Variants in RASA1 observed in about 807,000 individuals in gnomAD.
RASA1 encodes ras GTPase-activating protein 1.
In RASA1, 25 loss-of-function variants were observed where a neutral mutation model predicts 132.2. That is an observed-to-expected ratio of 0.19 (90% CI 0.14 to 0.26). RASA1 has a LOEUF of 0.26. Ranked by LOEUF, RASA1 falls within the 10% of genes least tolerant of loss-of-function variation. The probability of loss-of-function intolerance (pLI) is 1.00; values close to 1 mark genes in which losing one functional copy is unlikely to be tolerated. For synonymous variants in RASA1, 477 were observed against 449.9 expected, an observed-to-expected ratio of 1.06 and a Z score of -0.76; for missense variants, 964 against 1,299.2, an observed-to-expected ratio of 0.74 and a Z score of 3.97.
At chr5:87,332,317 A>G (rs1219646748) in intron 2 of RASA1, among the ~76,000 whole-genome samples, 190 bp from the exon 3 acceptor site, 1 of 152,108 alleles carries the variant, frequency 6.6e-6, no homozygotes, top group East Asian at 1.9e-4. Context: ...ATGCATGTAT[A>G]TATATGTAAG....
intron 1 of RASA1, among the ~76,000 whole-genome samples, chr5:87,295,053 G>A (rs1413862158): frequency 6.6e-6 from 1 of 151,906 alleles, no homozygotes; most frequent in African/African-American, 2.4e-5. Flanking sequence ...GGATCATTGG[G>A]TCTTCTTGAG....
At position 87,346,375 on chromosome 5, in the gene RASA1, G is replaced by GA. The variant is rs1286113562; in HGVS notation, c.1050-289dup. Reference sequence around the variant, plus strand: ...CCTCCTTCCCCTTACCCCACAAAAAGAAAAAAAAGACCTATAACAGTCTGT... The same window carrying GA: ...CCTCCTTCCCCTTACCCCACAAAAAGAAAAAAAAAGACCTATAACAGTCTGT... On this transcript the variant is annotated intron_variant, in intron 6 of 24. Coordinates refer to ENST00000274376, the MANE Select transcript of RASA1 (RefSeq NM_002890.3). Among the ~76,000 whole-genome samples the GA allele has an allele frequency of 6.6e-5, 10 of 150,886 alleles. No homozygotes were observed. In the Middle Eastern group the frequency reaches 0.01, roughly 155 times the overall value.
chr5:87,268,876 A>G lies in RASA1; in HGVS notation c.425A>G (p.Tyr142Cys). 1 of 1,612,662 alleles carries G rather than the reference A, an allele frequency of 6.2e-7. No individual in the cohort carries two copies. The highest frequency in any genetic ancestry group is 8.5e-7 in the Non-Finnish European group (1 of 1,179,688). Reference protein sequence around the residue: ...GGFPPLPPPPYLPPLGAGLGT... With the variant: ...GGFPPLPPPPCLPPLGAGLGT... ...TTTCCCCCTCTGCCCCCTCCCCCTTACCTGCCCCCTTTGGGGGCGGGCCTC... is the reference window on the plus strand; with the variant it reads ...TTTCCCCCTCTGCCCCCTCCCCCTTGCCTGCCCCCTTTGGGGGCGGGCCTC... The change falls in exon 1 of 25, where the codon TAC becomes TGC. Residue 142 changes from tyrosine (Y) to cysteine (C), a missense_variant. Tyr to Cys is a radical substitution (Grantham distance 194). Coordinates refer to ENST00000274376, the MANE Select transcript of RASA1 (RefSeq NM_002890.3).
chr5:87,294,876 G>A (rs958695218), intron 1 of RASA1, among the ~76,000 whole-genome samples: 1 of 152,228 alleles, frequency 6.6e-6, no homozygotes, highest in African/African-American at 2.4e-5. Flanking sequence ...AATTGAAAGT[G>A]CTGCTGAGTT....
Position 87,376,465 on chromosome 5 carries a change from A to T in RASA1, c.2084A>T (p.His695Leu), listed in dbSNP as rs1035107314. 3.8e-5 allele frequency: 62 copies of T among 1,614,048 alleles called. No individual in the cohort carries two copies. The highest frequency in any genetic ancestry group is 5.1e-5 in the Non-Finnish European group (60 of 1,179,962). ...GATGAATGGTTTCTGCTCAGCTCCC[A>T]TATACCATTAAAAGGTATTGAACCA... ...ATDEWFLLSS[H>L]IPLKGIEPGS... Residue 695 changes from histidine to leucine, a missense_variant, in exon 16 of 25, where the codon CAT becomes CTT. Physicochemically the swap from His to Leu is moderately conservative, Grantham distance 99. Transcript: ENST00000274376.
At chr5:87,291,284 C>T (rs975266600) in intron 1 of RASA1, among the ~76,000 whole-genome samples, 1 of 152,162 alleles carries the variant, frequency 6.6e-6, no homozygotes, top group Non-Finnish European at 1.5e-5. Flanking sequence ...AATCCCAGCA[C>T]TTTGGGAGGC....
intron 1 of RASA1, among the ~76,000 whole-genome samples, chr5:87,300,645 G>C (rs748926583): frequency 6.6e-6 from 1 of 152,100 alleles, no homozygotes; most frequent in African/African-American, 2.4e-5. Flanking sequence ...TATTTATAAG[G>C]TAATATCTAC....
rs1400379848 is a variant in RASA1, at chr5:87,389,509, T to C, written c.3042T>C (p.Asn1014=). 5.6e-6 allele frequency: 9 copies of C among 1,613,984 alleles called. No individual in the cohort carries two copies. The East Asian group carries it at 1.6e-4, about 28-fold the overall frequency. The change falls in exon 24 of 25, where the codon AAT becomes AAC. Residue 1014 remains asparagine, a synonymous_variant. Transcript: ENST00000274376. Reference sequence around the variant, plus strand: ...CAGATGAACTTCGAACGCTCAGTAATGAGCGTGGTGCACAGCAGGTAGGCT... The same window carrying C: ...CAGATGAACTTCGAACGCTCAGTAACGAGCGTGGTGCACAGCAGGTAGGCT... The part of the protein sequence containing the change: ...AHSDELRTLS[N]ERGAQQHVLK...
At position 87,268,435 on chromosome 5, in the gene RASA1, G is replaced by C. The variant is rs1753661081; in HGVS notation, c.-17G>C. On this transcript the variant is annotated 5_prime_UTR_variant, in exon 1 of 25. Transcript: ENST00000274376. ...TCCCGGGCGGGCAGGGTAGGGCAGAGTAGAGCGGGCTTCAACATGATGGCG... is the reference window on the plus strand; with the variant it reads ...TCCCGGGCGGGCAGGGTAGGGCAGACTAGAGCGGGCTTCAACATGATGGCG... 1.3e-6 allele frequency: 2 copies of C among 1,537,604 alleles called. No homozygotes were observed. The highest frequency in any genetic ancestry group is 2.7e-5 in the African/African-American group (2 of 72,822).
At chr5:87,340,530 C>T (rs573143509) in intron 5 of RASA1, among the ~76,000 whole-genome samples, 1 of 151,952 alleles carries the variant, frequency 6.6e-6, no homozygotes, top group South Asian at 2.1e-4. Flanking sequence ...AGTAAATCCA[C>T]ATGTAGTTAG....
intron 19 of RASA1, 47 bp from the exon 20 acceptor site, chr5:87,380,462 T>G: frequency 6.7e-7 from 1 of 1,486,442 alleles, no homozygotes; most frequent in Non-Finnish European, 9.4e-7. Context: ...AGGAGATCAG[T>G]GTTTTCACTT....
chr5:87,310,056 G>A lies in RASA1; in HGVS notation c.540-21292G>A, dbSNP rs372482579. 3.3e-5 allele frequency among the ~76,000 whole-genome samples: 5 copies of A among 152,172 alleles called. No homozygotes were observed. In the South Asian group the frequency reaches 1.0e-3, roughly 32 times the overall value. ...AAAGAAGAAAGAGAGGTAATATAAT[G>A]TTTTGACTACAGGAAAGACTTCTGT... is the stretch of plus-strand genomic sequence containing the variant. On this transcript the variant is annotated intron_variant, in intron 1 of 24. Coordinates refer to ENST00000274376, the MANE Select transcript of RASA1 (RefSeq NM_002890.3).
chr5:87,276,701 C>T (rs1414593159), intron 1 of RASA1, among the ~76,000 whole-genome samples: 2 of 151,982 alleles, frequency 1.3e-5, no homozygotes, highest in African/African-American at 4.8e-5. Flanking sequence ...AATTTCATAC[C>T]ATAATTCTCT....
chr5:87,320,546 CAG>C (rs139066002), intron 1 of RASA1, among the ~76,000 whole-genome samples: 1 of 152,124 alleles, frequency 6.6e-6, no homozygotes, highest in Non-Finnish European at 1.5e-5. Context: ...TGACAGGAGA[CAG>C]AGAGAGTAAA....
At chr5:87,301,440 G>C (rs1360304798) in intron 1 of RASA1, among the ~76,000 whole-genome samples, 2 of 152,036 alleles carry the variant, frequency 1.3e-5, no homozygotes, top group African/African-American at 4.8e-5. Flanking sequence ...CATACTTAAA[G>C]AACCCCAGAA....
chr5:87,385,415 T>G lies in RASA1; in HGVS notation c.2847+26T>G, dbSNP rs781390177. On this transcript the variant is annotated intron_variant, in intron 22 of 24. Transcript: ENST00000274376. ...GTAAAAACATTTTGATACTTTAAAA[T>G]GTAATTTATGAATGCAAGTTTGACA... The G allele has an allele frequency of 6.6e-7, 1 of 1,510,072 alleles. No individual in the cohort carries two copies. The highest frequency in any genetic ancestry group is 2.3e-5 in the East Asian group (1 of 44,154). 93.5% of individuals were successfully genotyped at this position (1,510,072 alleles called of 1,614,324 possible).
chr5:87,322,553 C>G (rs1468173339), intron 1 of RASA1, among the ~76,000 whole-genome samples: 1 of 152,122 alleles, frequency 6.6e-6, no homozygotes, highest in Non-Finnish European at 1.5e-5. Context: ...CCTTCTCTTG[C>G]TCTCTCTGGT....
At chr5:87,276,380 G>T (rs979981344) in intron 1 of RASA1, among the ~76,000 whole-genome samples, 6 of 152,142 alleles carry the variant, frequency 3.9e-5, no homozygotes, top group African/African-American at 1.4e-4. Flanking sequence ...TTTGTGCTGC[G>T]TTAAAAATTG....
intron 13 of RASA1, among the ~76,000 whole-genome samples, chr5:87,373,650 C>T (rs1761109967): frequency 6.6e-6 from 1 of 152,098 alleles, no homozygotes; most frequent in Non-Finnish European, 1.5e-5. Context: ...GGCATCCAAA[C>T]TAACAAATAA....
Sources: allele counts gnomAD v4.1 joint callset (sites outside exome capture counted in the v4.1 genomes callset), GRCh38; gene constraint gnomAD v4.1.1; transcripts MANE v1.5; gene names NCBI Gene and HGNC (gene_info 2026-07-23, HGNC 2026-07-21).